The following TNRC6A variants were observed in gnomAD, a reference collection of about 807,000 sequenced individuals.
The protein encoded by TNRC6A is trinucleotide repeat-containing gene 6A protein.
A neutral mutation model predicts 221.2 loss-of-function variants in TNRC6A; 44 were observed. The ratio of observed to expected loss-of-function variants is 0.20; its 90% CI spans 0.16 to 0.26. TNRC6A has a LOEUF of 0.26. Ranked by LOEUF, TNRC6A falls within the 10% of genes least tolerant of loss-of-function variation. The pLI is 1.00. For missense variants in TNRC6A, 2,199 were observed against 2,404.4 expected (o/e 0.91, Z 1.79); for synonymous variants, 847 against 838.5 (o/e 1.01, Z -0.18).
chr16:24,705,813 G>A (rs546739899), intron 2 of TNRC6A, among the ~76,000 whole-genome samples: 3 of 152,120 alleles, frequency 2.0e-5, no homozygotes, highest in East Asian at 1.9e-4. Flanking sequence ...TCAGGAACAG[G>A]GTAAGAGAAA....
chr16:24,633,876 G>T (rs1049084208), intron 1 of TNRC6A, among the ~76,000 whole-genome samples: 1 of 151,526 alleles, frequency 6.6e-6, no homozygotes, highest in South Asian at 2.1e-4. Flanking sequence ...TCTGCCTCCC[G>T]GTTCCAGGGA....
intron 3 of TNRC6A, 79 bp downstream of exon 3, chr16:24,750,892 G>T: frequency 8.0e-7 from 1 of 1,246,600 alleles, no homozygotes; most frequent in Non-Finnish European, 1.0e-6. Flanking sequence ...GATTTTGAAG[G>T]CATTTATTTG....
intron 5 of TNRC6A, among the ~76,000 whole-genome samples, chr16:24,782,704 C>T (rs146056380): frequency 0.013 from 2,028 of 152,024 alleles, 16 homozygotes; most frequent in South Asian, 0.023. Context: ...GGTGAAACCC[C>T]CTCTCTACTA....
chr16:24,805,486 T>C lies in TNRC6A; in HGVS notation c.4123-119T>C. 4 of 1,394,538 alleles carry C rather than the reference T, an allele frequency of 2.9e-6. No homozygotes were observed. The South Asian group carries it at 4.1e-5, about 14-fold the overall frequency. 86.4% of individuals were successfully genotyped at this position (1,394,538 alleles called of 1,614,324 possible). A position where few individuals can be genotyped will look rare whatever the true frequency, so the allele number is the denominator to read the frequency against. ...GTTAGTAAGACAGAGACAAAGACTATAACCCCCAATGAATAGTCCACAAAT... is the reference window on the plus strand; with the variant it reads ...GTTAGTAAGACAGAGACAAAGACTACAACCCCCAATGAATAGTCCACAAAT... On this transcript the variant is annotated intron_variant, in intron 14 of 24. Coordinates refer to ENST00000395799, the MANE Select transcript of TNRC6A (RefSeq NM_014494.4).
intron 2 of TNRC6A, among the ~76,000 whole-genome samples, chr16:24,651,184 C>CAA (rs551269541): frequency 9.8e-5 from 11 of 111,910 alleles, no homozygotes; most frequent in Admixed American, 2.0e-4. Context: ...CTGGGTATGG[C>CAA]AAAAAAAAAA....
intron 2 of TNRC6A, among the ~76,000 whole-genome samples, chr16:24,687,470 G>C (rs1489510149): frequency 6.7e-6 from 1 of 148,930 alleles, no homozygotes; most frequent in Non-Finnish European, 1.5e-5. Context: ...CTATCACCTT[G>C]GGCTCTAATG....
At position 24,777,003 on chromosome 16, in the gene TNRC6A, A is replaced by G. The variant is rs371972723; in HGVS notation, c.234A>G (p.Ala78=). ...PANSNNGTST[A]TSTNNNAKRA... is the part of the protein sequence containing the mutation. The stretch of plus-strand genomic sequence containing the variant: ...ACTCTAATAACGGCACTTCCACAGC[A>G]ACCAGCACTAATAATAATGCCAAGC... Residue 78 remains alanine (A), a synonymous_variant, in exon 5 of 25, where the codon GCA becomes GCG. Transcript: ENST00000395799. 6.2e-7 allele frequency: 1 copy of G among 1,614,018 alleles called. No individual in the cohort carries two copies. Among genetic ancestry groups the G allele is most frequent in the African/African-American group, 1.3e-5 (1 of 74,898 alleles).
chr16:24,614,092 G>A (rs181767220), intron 1 of TNRC6A, among the ~76,000 whole-genome samples: 2 of 152,280 alleles, frequency 1.3e-5, no homozygotes, highest in East Asian at 3.9e-4. Flanking sequence ...TTGGTTGTTC[G>A]TGGATGATCT....
chr16:24,791,054 G>T lies in TNRC6A; in HGVS notation c.2412G>T (p.Trp804Cys). Residue 804 changes from tryptophan (W) to cysteine (C), a missense_variant, in exon 6 of 25, where the codon TGG becomes TGT. Around this residue, in one of 8 missense-constraint regions of TNRC6A, gnomAD observed 1,405 missense variants for 1,400.2 expected, o/e 1.00. Coordinates refer to ENST00000395799, the MANE Select transcript of TNRC6A (RefSeq NM_014494.4). ...AAGGCTCAAACTGCCAGGGGGGGTGGGAAGATGATTCTGCTGCTACAGGAA... is the reference window on the plus strand; with the variant it reads ...AAGGCTCAAACTGCCAGGGGGGGTGTGAAGATGATTCTGCTGCTACAGGAA... ...DSKGSNCQGGWEDDSAATGMV... is the reference protein window; with the variant it reads ...DSKGSNCQGGCEDDSAATGMV... 1 of 1,598,130 alleles carries T rather than the reference G, an allele frequency of 6.3e-7. No individual in the cohort carries two copies. Among genetic ancestry groups the T allele is most frequent in the Non-Finnish European group, 8.5e-7 (1 of 1,171,406 alleles).
chr16:24,789,310 C>G lies in TNRC6A; in HGVS notation c.668C>G (p.Thr223Arg). 6.2e-7 allele frequency: 1 copy of G among 1,614,156 alleles called. No homozygotes were observed. The highest frequency in any genetic ancestry group is 1.1e-5 in the South Asian group (1 of 91,076). ...GPVSSTSDSS[T>R]NCKNAVVSDL... is the part of the protein sequence containing the mutation. ...GTGTCTTCTACAAGTGATTCTAGCA[C>G]AAACTGTAAGAATGCTGTTGTAAGT... The change falls in exon 6 of 25, where the codon ACA becomes AGA. Residue 223 changes from threonine (T) to arginine (R), a missense_variant. Around this residue, in one of 8 missense-constraint regions of TNRC6A, gnomAD observed 1,405 missense variants for 1,400.2 expected, o/e 1.00. Transcript: ENST00000395799.
chr16:24,813,345 C>T (rs1376784752), intron 18 of TNRC6A, among the ~76,000 whole-genome samples: 1 of 152,196 alleles, frequency 6.6e-6, no homozygotes, highest in Non-Finnish European at 1.5e-5. Context: ...GCCACCCTCC[C>T]CACTTGTGGA....
chr16:24,657,633 C>T (rs1401190896), intron 2 of TNRC6A, among the ~76,000 whole-genome samples: 2 of 149,836 alleles, frequency 1.3e-5, no homozygotes, highest in Non-Finnish European at 2.9e-5. Flanking sequence ...CGTTTGAACC[C>T]AGGAGGCAGA....
chr16:24,709,438 G>T (rs572435210), intron 2 of TNRC6A, among the ~76,000 whole-genome samples: 2 of 152,138 alleles, frequency 1.3e-5, no homozygotes, highest in African/African-American at 4.8e-5. Flanking sequence ...CAGCAGTGAC[G>T]CACTCTCCTT....
chr16:24,806,293 G>T lies in TNRC6A; in HGVS notation c.4329+10G>T. 1 of 1,613,802 alleles carries T rather than the reference G, an allele frequency of 6.2e-7. No individual in the cohort carries two copies. The highest frequency in any genetic ancestry group is 8.5e-7 in the Non-Finnish European group (1 of 1,179,896). ...GCAGCAAGACCAGCAGGTAGAGCCC[G>T]CCCTGCAACTCGCAATGCTGTCTTT... On this transcript the variant is annotated intron_variant, in intron 16 of 24. Transcript: ENST00000395799.
chr16:24,783,480 C>T (rs1215730290), intron 5 of TNRC6A, among the ~76,000 whole-genome samples: 1 of 152,028 alleles, frequency 6.6e-6, no homozygotes, highest in African/African-American at 2.4e-5. Context: ...GTTCAGCCCC[C>T]ACATAACCTC....
rs540101347 is a variant in TNRC6A, at chr16:24,771,810, A to G, written c.164-5123A>G. ...CTTTCAGAGTTTCTGCTGTTATACTATAGGACCTTCTATTCCTCTGTGAGC... is the reference window on the plus strand; with the variant it reads ...CTTTCAGAGTTTCTGCTGTTATACTGTAGGACCTTCTATTCCTCTGTGAGC... On this transcript the variant is annotated intron_variant, in intron 4 of 24. Coordinates refer to ENST00000395799, the MANE Select transcript of TNRC6A (RefSeq NM_014494.4). Among the ~76,000 whole-genome samples, 88 of 152,180 alleles carry G rather than the reference A, an allele frequency of 5.8e-4. 1 individual carries two copies. The highest frequency in any genetic ancestry group is 3.4e-3 in the Middle Eastern group (1 of 294).
Position 24,789,232 on chromosome 16 carries a change from A to C in TNRC6A, c.590A>C (p.Asp197Ala). ...TAGTTGTACTTCTCCTTTATCCTAG[A>C]TATAAACCACAGTACTTCAGGATCC... ...GEVQNSKNQSDINHSTSGSHY... is the reference protein window; with the variant it reads ...GEVQNSKNQSAINHSTSGSHY... Residue 197 changes from aspartate to alanine, a missense_variant and splice_region_variant, in exon 6 of 25, where the codon GAT becomes GCT. Asp to Ala is a moderately radical substitution (Grantham distance 126, BLOSUM62 -2). Coordinates refer to ENST00000395799, the MANE Select transcript of TNRC6A (RefSeq NM_014494.4). The C allele has an allele frequency of 6.3e-7, 1 of 1,586,230 alleles. No homozygotes were observed. Among genetic ancestry groups the C allele is most frequent in the South Asian group, 1.2e-5 (1 of 85,750 alleles).
intron 2 of TNRC6A, among the ~76,000 whole-genome samples, chr16:24,644,061 T>C (rs1163580973): frequency 6.6e-6 from 1 of 150,956 alleles, no homozygotes; most frequent in Non-Finnish European, 1.5e-5. Flanking sequence ...GGGTTTTGTT[T>C]GTTTTGTTTC....
chr16:24,739,312 A>G (rs975149351), intron 2 of TNRC6A, among the ~76,000 whole-genome samples: 1 of 152,158 alleles, frequency 6.6e-6, no homozygotes, highest in Non-Finnish European at 1.5e-5. Context: ...CTTATTGGCC[A>G]TTCGTATATC....
Sources: allele counts gnomAD v4.1 joint callset (sites outside exome capture counted in the v4.1 genomes callset), GRCh38; gene constraint gnomAD v4.1.1; regional missense constraint gnomAD v4.1.1; transcripts MANE v1.5; gene names NCBI Gene and HGNC (gene_info 2026-07-23, HGNC 2026-07-21).